ANKS1A: variants seen among roughly 807,000 people sequenced by gnomAD.
ANKS1A encodes the protein ankyrin repeat and sterile alpha motif domain containing 1A.
Under a neutral mutation model 120.3 loss-of-function variants are expected in ANKS1A, and 55 were observed. That is an observed-to-expected ratio of 0.46 (90% CI 0.37 to 0.57). ANKS1A has a LOEUF of 0.57. Ranked by LOEUF, ANKS1A falls within the 20% of genes least tolerant of loss-of-function variation. ANKS1A has a pLI of 0.00. For missense variants in ANKS1A, 1,123 were observed against 1,480.3 expected, an observed-to-expected ratio of 0.76 and a Z score of 3.96; for synonymous variants, 590 against 604.7, an observed-to-expected ratio of 0.98 and a Z score of 0.36.
intron 1 of ANKS1A, among the ~76,000 whole-genome samples, chr6:34,913,467 C>G: frequency 6.6e-6 from 1 of 152,190 alleles, no homozygotes; most frequent in South Asian, 2.1e-4. Flanking sequence ...GCTAGGACCA[C>G]AGGCATGTGC....
At chr6:34,923,088 C>T (rs1314405669) in intron 1 of ANKS1A, among the ~76,000 whole-genome samples, 2 of 152,140 alleles carry the variant, frequency 1.3e-5, no homozygotes, top group Non-Finnish European at 2.9e-5. Context: ...AGAAAGACTA[C>T]GATGCGTGGT....
In ANKS1A at chr6:35,086,049, A is replaced by G; in HGVS notation, c.3303+113A>G. 3 of 1,391,616 alleles carry G rather than the reference A, an allele frequency of 2.2e-6. No homozygotes were observed. The highest frequency in any genetic ancestry group is 2.8e-6 in the Non-Finnish European group (3 of 1,055,042). 86.2% of individuals were successfully genotyped at this position (1,391,616 alleles called of 1,614,324 possible). A position where few individuals can be genotyped will look rare whatever the true frequency, so the allele number is the denominator to read the frequency against. ...GGCACTTCCAGAAAGCTGGCCCTCC[A>G]GGGAAATGACCCTCTTAATTGTCCC... On this transcript the variant is annotated intron_variant, in intron 22 of 23. Coordinates refer to ENST00000360359, the MANE Select transcript of ANKS1A (RefSeq NM_015245.3). This position sits in a 1 kb window ranked among gnomAD's most constrained non-coding sequence, Gnocchi z 5.1.
chr6:34,898,953 G>C (rs112018241), intron 1 of ANKS1A, among the ~76,000 whole-genome samples: 2,209 of 152,270 alleles, frequency 0.015, 21 homozygotes, highest in South Asian at 0.036. Flanking sequence ...TGATGAACAT[G>C]CATGTGGATA....
At chr6:35,006,013 C>T (rs1359135649) in intron 10 of ANKS1A, among the ~76,000 whole-genome samples, 3 of 152,016 alleles carry the variant, frequency 2.0e-5, no homozygotes, top group Non-Finnish European at 4.4e-5. Context: ...ATGGTGAAAC[C>T]CTGTCTCTAC....
intron 10 of ANKS1A, among the ~76,000 whole-genome samples, chr6:34,997,518 A>G (rs1009658488): frequency 6.6e-6 from 1 of 152,156 alleles, no homozygotes; most frequent in African/African-American, 2.4e-5. Flanking sequence ...TTTTAATTAA[A>G]ACATTTAGAA....
At chr6:34,939,933 GC>G (rs1769446004) in intron 1 of ANKS1A, among the ~76,000 whole-genome samples, 1 of 152,138 alleles carries the variant, frequency 6.6e-6, no homozygotes, top group African/African-American at 2.4e-5. Context: ...TATGGTTGCT[GC>G]TCCCAGCCAT....
At chr6:34,914,129 G>C (rs190118348) in intron 1 of ANKS1A, among the ~76,000 whole-genome samples, 38 of 134,076 alleles carry the variant, frequency 2.8e-4, no homozygotes, top group African/African-American at 9.9e-4. Flanking sequence ...CAACATGTTA[G>C]CCAGGATGGT....
rs1774113006 is a variant in ANKS1A, at chr6:35,017,796, A to G, written c.1747A>G (p.Thr583Ala). 6.2e-7 allele frequency: 1 copy of G among 1,614,140 alleles called. No homozygotes were observed. The highest frequency in any genetic ancestry group is 1.1e-5 in the South Asian group (1 of 91,082). ...CACCAACAGCCGCTCGCACCCTGAA[A>G]CTTTGACTCACACAGCATCTCCGCA... ...PTTNSRSHPE[T>A]LTHTASPHPG... The change falls in exon 11 of 24, where the codon ACT (threonine) becomes GCT (alanine). Residue 583 changes from threonine (T) to alanine (A), a missense_variant. By Grantham distance (58) the Thr-to-Ala change is moderately conservative. Transcript: ENST00000360359.
intron 2 of ANKS1A, among the ~76,000 whole-genome samples, chr6:34,969,310 A>G (rs1348371861): frequency 6.6e-6 from 1 of 152,100 alleles, no homozygotes; most frequent in Non-Finnish European, 1.5e-5. Flanking sequence ...CTGGAGTGCG[A>G]TGGCGTAATC....
At chr6:35,087,438 T>C (rs1420380998) in intron 23 of ANKS1A, among the ~76,000 whole-genome samples, 1 of 152,090 alleles carries the variant, frequency 6.6e-6, no homozygotes, top group Non-Finnish European at 1.5e-5. Context: ...CTCCCCAGGG[T>C]TGGGCTGGGC....
chr6:34,913,502 G>C (rs1249431051), intron 1 of ANKS1A, among the ~76,000 whole-genome samples: 3 of 152,128 alleles, frequency 2.0e-5, no homozygotes, highest in Non-Finnish European at 4.4e-5. Context: ...AATTATTTTA[G>C]TTTTTGTAGA....
downstream of ANKS1A, among the ~76,000 whole-genome samples, chr6:35,095,649 T>TA (rs60295651): frequency 0.019 from 2,452 of 128,606 alleles, 28 homozygotes; most frequent in Middle Eastern, 0.033. Flanking sequence ...ACTTTTGTGT[T>TA]AAAAAAAAAA....
intron 1 of ANKS1A, among the ~76,000 whole-genome samples, chr6:34,909,425 G>T (rs1767803065): frequency 6.6e-6 from 1 of 152,124 alleles, no homozygotes; most frequent in Non-Finnish European, 1.5e-5. Flanking sequence ...TCTGACACTT[G>T]CCAGTAGTTT....
intron 1 of ANKS1A, among the ~76,000 whole-genome samples, chr6:34,928,483 G>C (rs1171314946): frequency 6.6e-6 from 1 of 152,098 alleles, no homozygotes; most frequent in East Asian, 1.9e-4. Context: ...GGTGGATTGA[G>C]TTAAGGACCT....
rs1771482131 is a variant in ANKS1A at position 34,975,000 on chromosome 6, T to TAA, written c.435+4836_435+4837dup. Among the ~76,000 whole-genome samples the TAA allele has an allele frequency of 2.0e-5, 3 of 152,246 alleles. No homozygotes were observed. The South Asian group carries it at 6.2e-4, about 31-fold the overall frequency. ...ATTTAGTGAGCTTATAAAGCTTTGA[T>TAA]AAAGGGTAAGACTTTGGTTCTTGAA... On this transcript the variant is annotated intron_variant, in intron 3 of 23. Transcript: ENST00000360359.
chr6:35,015,402 G>A lies in ANKS1A; in HGVS notation c.1424-2071G>A, dbSNP rs368807453. On this transcript the variant is annotated intron_variant, in intron 10 of 23. Transcript: ENST00000360359. ...TACTCCCAGCCACTCAGGAGGCTGA[G>A]ATGGGAGAATCGCTTGAACCCAGGA... Among the ~76,000 whole-genome samples, 29 of 152,334 alleles carry A rather than the reference G, an allele frequency of 1.9e-4. No homozygotes were observed. The East Asian group carries it at 4.6e-3, about 24-fold the overall frequency.
intron 11 of ANKS1A, among the ~76,000 whole-genome samples, chr6:35,049,277 C>G (rs925884667): frequency 6.6e-6 from 1 of 152,174 alleles, no homozygotes; most frequent in Non-Finnish European, 1.5e-5. Context: ...TCCCCCCTTC[C>G]CCTGTTAGTG....
intron 11 of ANKS1A, among the ~76,000 whole-genome samples, chr6:35,046,764 G>T (rs1363948031): frequency 6.6e-6 from 1 of 152,178 alleles, no homozygotes; most frequent in Non-Finnish European, 1.5e-5. Context: ...TTATTTGGGG[G>T]TAGGGGGGTA....
At chr6:34,999,969 A>G (rs1773072515) in intron 10 of ANKS1A, among the ~76,000 whole-genome samples, 1 of 152,210 alleles carries the variant, frequency 6.6e-6, no homozygotes, top group Non-Finnish European at 1.5e-5. Flanking sequence ...AGAGACAGAA[A>G]GTCAAAGAGA....
Sources: gnomAD v4.1 joint callset for allele counts (sites outside exome capture counted in the v4.1 genomes callset) on GRCh38, gnomAD v4.1.1 for gene constraint, Gnocchi (gnomAD v3.1) non-coding constraint, MANE v1.5 for transcripts, NCBI Gene and HGNC (gene_info 2026-07-23, HGNC 2026-07-21) for gene names.